The following GNG7 variants were observed in gnomAD, a reference collection of about 807,000 sequenced individuals.
The protein encoded by GNG7 is G protein subunit gamma 7.
In GNG7, 1 loss-of-function variant was observed where a neutral mutation model predicts 4.0. The ratio of observed to expected loss-of-function variants is 0.25; its 90% confidence interval spans 0.09 to 1.18. The LOEUF (loss-of-function observed/expected upper bound fraction) is 1.18, where lower values mean the gene tolerates loss of function less well. Ranked by LOEUF, GNG7 falls within the 50% of genes most tolerant of loss-of-function variation. GNG7 has a pLI of 0.50. For synonymous variants in GNG7, 34 were observed against 36.9 expected, an observed-to-expected ratio of 0.92 and a Z score of 0.29; for missense variants, 86 against 91.9, an observed-to-expected ratio of 0.94 and a Z score of 0.26.
At chr19:2,615,454 GTTTTTTTT>G (rs56036626) in intron 2 of GNG7, among the ~76,000 whole-genome samples, 13 of 48,834 alleles carry the variant, frequency 2.7e-4, no homozygotes, top group African/African-American at 6.8e-4. Context: ...GTCTTTTCCG[GTTTTTTTT>G]TTTTTTTTTT....
intron 3 of GNG7, among the ~76,000 whole-genome samples, chr19:2,548,450 C>T (rs539618808): frequency 1.5e-5 from 2 of 136,794 alleles, no homozygotes; most frequent in East Asian, 4.5e-4. Flanking sequence ...CATTGCACTC[C>T]AGCCCGGGCG....
intron 2 of GNG7, chr19:2,642,935 C>T: frequency 2.2e-6 from 1 of 453,086 alleles, no homozygotes; most frequent in African/African-American, 2.0e-5. Context: ...GAGACCTCTC[C>T]GGGCTCTGCA....
intron 2 of GNG7, among the ~76,000 whole-genome samples, chr19:2,590,003 G>C (rs544935683): frequency 2.0e-5 from 3 of 151,694 alleles, no homozygotes; most frequent in East Asian, 3.9e-4. Flanking sequence ...GTAGAGACAG[G>C]GTTTCACCCT....
intron 2 of GNG7, among the ~76,000 whole-genome samples, chr19:2,632,292 G>C (rs1454757958): frequency 6.6e-6 from 1 of 151,998 alleles, no homozygotes; most frequent in Non-Finnish European, 1.5e-5. Flanking sequence ...AGCCAGGCGT[G>C]GTGTCAGGCA....
At chr19:2,670,359 G>A (rs1036548412) in intron 1 of GNG7, among the ~76,000 whole-genome samples, 1 of 152,204 alleles carries the variant, frequency 6.6e-6, no homozygotes, top group Non-Finnish European at 1.5e-5. Flanking sequence ...GCCCCCGCGG[G>A]AGCCGTGCTG....
chr19:2,657,355 AAAAAAAATATATATAT>A (rs1442742359), intron 1 of GNG7, among the ~76,000 whole-genome samples: 24 of 19,154 alleles, frequency 1.3e-3, no homozygotes, highest in Middle Eastern at 0.028. Context: ...AAAAAAAAAA[AAAAAAAATATATATAT>A]ATATATATAT....
rs148324143 is a variant in GNG7 at position 2,664,150 on chromosome 19, C to T, written c.-134-17870G>A. Among the ~76,000 whole-genome samples the T allele has an allele frequency of 5.6e-4, 86 of 152,294 alleles. No homozygotes were observed. The East Asian group carries it at 0.013, about 23-fold the overall frequency. On this transcript the variant is annotated intron_variant, in intron 1 of 4. Transcript: ENST00000382159. ...TCCTCTGGGAACTGAGTGGGCAGGA[C>T]GGGCTGTCAGAGCCCCCTTCCCTTC...
chr19:2,596,826 C>G (rs564647626), intron 2 of GNG7, among the ~76,000 whole-genome samples: 1 of 152,166 alleles, frequency 6.6e-6, no homozygotes, highest in Non-Finnish European at 1.5e-5. Flanking sequence ...TCCTGCAGTA[C>G]GAGACTTCTT....
At position 2,512,181 on chromosome 19, in the gene GNG7, C is replaced by A; in HGVS notation, c.*2841G>T. The A allele has an allele frequency of 3.0e-6, 3 of 985,892 alleles. No homozygotes were observed. Among genetic ancestry groups the A allele is most frequent in the Non-Finnish European group, 3.6e-6 (3 of 829,982 alleles). The allele number at this position is 985,892 out of a possible 1,614,324, so 61.1% of individuals were successfully genotyped here. A position where few individuals can be genotyped will look rare whatever the true frequency, so the allele number is the denominator to read the frequency against. Reference sequence around the variant, plus strand: ...AGGCTAGAGCTGCTGCTGCCACCCCCGCCCGCCAGCTCCCCGTCTGGAGGT... The same window carrying A: ...AGGCTAGAGCTGCTGCTGCCACCCCAGCCCGCCAGCTCCCCGTCTGGAGGT... On this transcript the variant is annotated 3_prime_UTR_variant, in exon 5 of 5. Transcript: ENST00000382159. The surrounding 1 kb of genome is among the most constrained non-coding windows in gnomAD (Gnocchi z 4.7).
At chr19:2,687,925 A>G (rs1983912898) in intron 1 of GNG7, among the ~76,000 whole-genome samples, 1 of 149,692 alleles carries the variant, frequency 6.7e-6, no homozygotes, top group South Asian at 2.1e-4. Context: ...GTGCCACTGT[A>G]CTCCAACCTG....
At chr19:2,686,346 C>T (rs563923699) in intron 1 of GNG7, among the ~76,000 whole-genome samples, 2 of 152,168 alleles carry the variant, frequency 1.3e-5, no homozygotes, top group African/African-American at 4.8e-5. Context: ...TTAGTAGAGA[C>T]GGGGTTTCAC....
At chr19:2,533,270 G>T (rs1310704326) in intron 3 of GNG7, among the ~76,000 whole-genome samples, 1 of 149,372 alleles carries the variant, frequency 6.7e-6, no homozygotes, top group Non-Finnish European at 1.5e-5. Flanking sequence ...AAAAATAAAT[G>T]CCTCTCAAAA....
chr19:2,625,240 T>A (rs778235822), intron 2 of GNG7, among the ~76,000 whole-genome samples: 3 of 152,168 alleles, frequency 2.0e-5, no homozygotes, highest in African/African-American at 7.2e-5. Flanking sequence ...GGCTAATTTT[T>A]AAAAATTTTT....
intron 2 of GNG7, among the ~76,000 whole-genome samples, chr19:2,593,939 A>AAAAC (rs1555696427): frequency 6.6e-6 from 1 of 151,758 alleles, no homozygotes; most frequent in South Asian, 2.1e-4. Flanking sequence ...AAAAAAAAAA[A>AAAAC]AAAACTTTCT....
chr19:2,604,714 A>G (rs964256192), intron 2 of GNG7, among the ~76,000 whole-genome samples: 1 of 151,638 alleles, frequency 6.6e-6, no homozygotes, highest in African/African-American at 2.4e-5. Context: ...GGGAAAAGAG[A>G]AAGTTTTCTG....
Position 2,597,334 on chromosome 19 carries a change from C to T in GNG7, c.-77-42146G>A, listed in dbSNP as rs556484102. Among the ~76,000 whole-genome samples the T allele has an allele frequency of 7.2e-5, 11 of 152,270 alleles. No individual in the cohort carries two copies. In the South Asian group the frequency reaches 1.9e-3, roughly 26 times the overall value. On this transcript the variant is annotated intron_variant, in intron 2 of 4. Coordinates refer to ENST00000382159, the MANE Select transcript of GNG7 (RefSeq NM_052847.3). ...ACTTGGGGCCAGTCACAGTGGCTCACGCCTGTAATCCTAACACTGTGGGAG... is the reference window on the plus strand; with the variant it reads ...ACTTGGGGCCAGTCACAGTGGCTCATGCCTGTAATCCTAACACTGTGGGAG...
At chr19:2,674,424 T>C (rs1209484607) in intron 1 of GNG7, among the ~76,000 whole-genome samples, 2 of 139,886 alleles carry the variant, frequency 1.4e-5, no homozygotes, top group Non-Finnish European at 3.1e-5. Context: ...ACTGGTGTTT[T>C]TGTTTTTTGT....
intron 2 of GNG7, among the ~76,000 whole-genome samples, chr19:2,592,726 C>G (rs1980879836): frequency 1.2e-5 from 1 of 85,894 alleles, no homozygotes; most frequent in Non-Finnish European, 2.0e-5. Context: ...GACAGAGCAA[C>G]AAGGAGAGGG....
chr19:2,512,412 C>G lies in GNG7; in HGVS notation c.*2610G>C. The stretch of plus-strand genomic sequence containing the variant: ...CCCAAGCTAGAAAGAAACCCACAGG[C>G]TTCTGGCAATGGCCACCTCCCTGGG... On this transcript the variant is annotated 3_prime_UTR_variant, in exon 5 of 5. Transcript: ENST00000382159. The surrounding 1 kb of genome is among the most constrained non-coding windows in gnomAD (Gnocchi z 4.7). The G allele has an allele frequency of 1.0e-6, 1 of 976,478 alleles. No homozygotes were observed. Among genetic ancestry groups the G allele is most frequent in the Non-Finnish European group, 1.2e-6 (1 of 821,838 alleles). 60.5% of individuals were successfully genotyped at this position (976,478 alleles called of 1,614,324 possible).
Sources: allele counts gnomAD v4.1 joint callset (sites outside exome capture counted in the v4.1 genomes callset), GRCh38; gene constraint gnomAD v4.1.1; non-coding constraint Gnocchi (gnomAD v3.1); transcripts MANE v1.5; gene names NCBI Gene and HGNC (gene_info 2026-07-23, HGNC 2026-07-21).